ASAP1: variants seen among roughly 807,000 people sequenced by gnomAD.
ASAP1 encodes the protein ArfGAP with SH3 domain, ankyrin repeat and PH domain 1, also known as arf-GAP with SH3 domain, ANK repeat and PH domain-containing protein 1.
ASAP1 carries 43 observed loss-of-function variants against 145.2 expected under a neutral mutation model. The observed-to-expected ratio is 0.30, with a 90% CI of 0.23 to 0.38. The LOEUF (loss-of-function observed/expected upper bound fraction) is 0.38, where lower values mean the gene tolerates loss of function less well. Among genes scored for constraint, ASAP1 ranks in the 10% least tolerant of loss-of-function variants. ASAP1 has a pLI of 1.00. For synonymous variants in ASAP1, 546 were observed against 515.5 expected (o/e 1.06, Z -0.80); for missense variants, 1,018 against 1,355.3 (o/e 0.75, Z 3.91).
rs531478907 is a variant in ASAP1 at position 130,060,623 on chromosome 8, T to C, written c.3148A>G (p.Thr1050Ala). 9.5e-5 allele frequency: 153 copies of C among 1,613,906 alleles called. 5 individuals are homozygous for C. In the South Asian group the frequency reaches 1.6e-3, roughly 17 times the overall value. ...ASEDSNDLTPTLPETPVPLPR... is the reference protein window; with the variant it reads ...ASEDSNDLTPALPETPVPLPR... ...AGTGGTACGGGCGTCTCTGGCAGAG[T>C]AGGCGTGAGGTCGTTGGAGTCTTCA... The change falls in exon 28 of 30, where the codon ACT becomes GCT. Residue 1050 changes from threonine (T) to alanine (A), a missense_variant. By Grantham distance (58) the Thr-to-Ala change is moderately conservative (BLOSUM62 0). Coordinates refer to ENST00000518721, the MANE Select transcript of ASAP1 (RefSeq NM_018482.4).
In ASAP1 at chr8:130,072,824, T is replaced by TGTGCGTGTGCGCGCGC; in HGVS notation, c.2701+3523_2701+3524insGCGCGCGCACACGCAC. Reference sequence around the variant, plus strand: ...GTGTGTGTGTGTGTGTGTGTGTGTGTGCGCGCGGGGGGGGGCAGTTTTGGG... The same window carrying TGTGCGTGTGCGCGCGC: ...GTGTGTGTGTGTGTGTGTGTGTGTGTGTGCGTGTGCGCGCGCGCGCGCGGGGGGGGGCAGTTTTGGG... On this transcript the variant is annotated intron_variant, in intron 27 of 29. Transcript: ENST00000518721. Among the ~76,000 whole-genome samples the TGTGCGTGTGCGCGCGC allele has an allele frequency of 3.7e-4, 12 of 32,302 alleles. 2 individuals carry two copies. The East Asian group carries it at 0.012, about 33-fold the overall frequency. 21.2% of individuals were successfully genotyped at this position (32,302 alleles called of 152,430 possible).
intron 1 of ASAP1, among the ~76,000 whole-genome samples, chr8:130,416,718 C>T (rs2138675520): frequency 6.6e-6 from 1 of 152,354 alleles, no homozygotes; most frequent in East Asian, 1.9e-4. Context: ...AGATTTGGCT[C>T]AGCTACCTGC....
chr8:130,060,618 C>T lies in ASAP1; in HGVS notation c.3153G>A (p.Leu1051=). 1.2e-6 allele frequency: 2 copies of T among 1,613,864 alleles called. No homozygotes were observed. Among genetic ancestry groups the T allele is most frequent in the Non-Finnish European group, 1.7e-6 (2 of 1,179,892 alleles). ...SEDSNDLTPT[L]PETPVPLPRK... ...TGGGCAGTGGTACGGGCGTCTCTGG[C>T]AGAGTAGGCGTGAGGTCGTTGGAGT... Residue 1051 remains leucine, a synonymous_variant, in exon 28 of 30, where the codon CTG becomes CTA. Coordinates refer to ENST00000518721, the MANE Select transcript of ASAP1 (RefSeq NM_018482.4).
At chr8:130,241,502 C>T (rs550044853) in intron 3 of ASAP1, among the ~76,000 whole-genome samples, 146 of 152,200 alleles carry the variant, frequency 9.6e-4, no homozygotes, top group African/African-American at 3.4e-3. Flanking sequence ...AATGAAGCGA[C>T]AAATGACTGA....
At chr8:130,147,396 T>C (rs1157941733) in intron 13 of ASAP1, among the ~76,000 whole-genome samples, 1 of 152,122 alleles carries the variant, frequency 6.6e-6, no homozygotes, top group African/African-American at 2.4e-5. Context: ...TAGGCCTCAT[T>C]AATAGCCCCA....
intron 3 of ASAP1, among the ~76,000 whole-genome samples, chr8:130,238,711 T>C (rs1022656628): frequency 6.6e-6 from 1 of 152,116 alleles, no homozygotes; most frequent in Non-Finnish European, 1.5e-5. Context: ...TAAGGAAATG[T>C]AGTAGACCTT....
chr8:130,412,038 T>C (rs1829286143), intron 1 of ASAP1, among the ~76,000 whole-genome samples: 1 of 152,336 alleles, frequency 6.6e-6, no homozygotes, highest in African/African-American at 2.4e-5. Context: ...AGGCCCTGTA[T>C]GGGTATCGGC....
intron 13 of ASAP1, among the ~76,000 whole-genome samples, chr8:130,151,724 G>A (rs1244064262): frequency 6.6e-6 from 1 of 152,234 alleles, no homozygotes; most frequent in African/African-American, 2.4e-5. Flanking sequence ...TATACTAAGA[G>A]CCTTCTGTAT....
At chr8:130,375,696 C>T (rs1827453799) in intron 2 of ASAP1, among the ~76,000 whole-genome samples, 2 of 152,260 alleles carry the variant, frequency 1.3e-5, no homozygotes, top group Non-Finnish European at 2.9e-5. Context: ...CCTGCCTTCA[C>T]TCAACCTCTA....
chr8:130,178,229 C>T (rs1014423373), intron 9 of ASAP1, among the ~76,000 whole-genome samples: 1 of 152,146 alleles, frequency 6.6e-6, no homozygotes, highest in Non-Finnish European at 1.5e-5. Flanking sequence ...GAGAGCTGTC[C>T]ATTCCATTTC....
chr8:130,173,639 A>G (rs1414194371), intron 9 of ASAP1, among the ~76,000 whole-genome samples: 1 of 151,804 alleles, frequency 6.6e-6, no homozygotes, highest in African/African-American at 2.4e-5. Flanking sequence ...GTGGTGGTAC[A>G]TGCCTGTAGT....
At chr8:130,386,940 T>C (rs1828046304) in intron 2 of ASAP1, 2 of 152,218 alleles carry the variant, frequency 1.3e-5, no homozygotes, top group South Asian at 4.1e-4. Flanking sequence ...TAGCTGTTTA[T>C]AAGCACCAAA....
chr8:130,227,790 A>AT (rs1414606787), intron 4 of ASAP1, among the ~76,000 whole-genome samples: 1 of 151,974 alleles, frequency 6.6e-6, no homozygotes, highest in African/African-American at 2.4e-5. Flanking sequence ...GCTTTGTAAG[A>AT]TTTTTTGTTT....
intron 3 of ASAP1, among the ~76,000 whole-genome samples, chr8:130,351,297 T>C (rs1168357898): frequency 1.3e-5 from 2 of 152,206 alleles, no homozygotes; most frequent in East Asian, 3.9e-4. Flanking sequence ...AGTCTACCAT[T>C]TACCACTGTG....
Position 130,339,117 on chromosome 8 carries a change from T to C in ASAP1, c.186+18900A>G, listed in dbSNP as rs555707753. 3.9e-5 allele frequency among the ~76,000 whole-genome samples: 6 copies of C among 152,310 alleles called. No homozygotes were observed. In the South Asian group the frequency reaches 1.0e-3, roughly 26 times the overall value. ...TAAATACAGATACAGCGACTCTTCA[T>C]TGGAGAGACTTTAAAAGGTCTTTGT... On this transcript the variant is annotated intron_variant, in intron 3 of 29. Coordinates refer to ENST00000518721, the MANE Select transcript of ASAP1 (RefSeq NM_018482.4).
intron 3 of ASAP1, among the ~76,000 whole-genome samples, chr8:130,272,651 T>G (rs1213204453): frequency 1.3e-5 from 2 of 152,212 alleles, no homozygotes; most frequent in African/African-American, 4.8e-5. Context: ...TATATACAAA[T>G]GGAATACTAT....
At chr8:130,178,548 C>A (rs1814123655) in intron 9 of ASAP1, among the ~76,000 whole-genome samples, 1 of 152,216 alleles carries the variant, frequency 6.6e-6, no homozygotes, top group Non-Finnish European at 1.5e-5. Flanking sequence ...GCAAAGTATT[C>A]TTAATGCCCC....
chr8:130,361,536 A>T, intron 2 of ASAP1: 1 of 699,430 alleles, frequency 1.4e-6, no homozygotes, highest in South Asian at 1.6e-5. Flanking sequence ...AGATTATGTT[A>T]TGTATCTGCT....
intron 5 of ASAP1, among the ~76,000 whole-genome samples, chr8:130,199,871 C>T (rs1254928938): frequency 1.3e-5 from 2 of 152,128 alleles, no homozygotes; most frequent in African/African-American, 4.8e-5. Context: ...GTGGTAAAGC[C>T]GGAGAGTTAG....
Sources: allele counts gnomAD v4.1 joint callset (sites outside exome capture counted in the v4.1 genomes callset), GRCh38; gene constraint gnomAD v4.1.1; transcripts MANE v1.5; gene names NCBI Gene and HGNC (gene_info 2026-07-23, HGNC 2026-07-21).